The following SH3GLB2 variants were observed in gnomAD, a reference collection of about 807,000 sequenced individuals.
SH3GLB2 encodes the protein SH3 domain containing GRB2 like, endophilin B2.
A neutral mutation model predicts 48.0 loss-of-function variants in SH3GLB2; 24 were observed. The observed-to-expected ratio is 0.50, with a 90% CI of 0.36 to 0.70. The LOEUF (loss-of-function observed/expected upper bound fraction) is 0.70, where lower values mean the gene tolerates loss of function less well. SH3GLB2 is among the 30% of genes least tolerant of loss of function. The pLI is 0.00. For missense variants in SH3GLB2, 425 were observed against 516.0 expected (o/e 0.82, Z 1.71); for synonymous variants, 227 against 207.6 (o/e 1.09, Z -0.80).
chr9:129,017,518 C>A (rs1328920665), intron 3 of SH3GLB2, among the ~76,000 whole-genome samples: 1 of 151,944 alleles, frequency 6.6e-6, no homozygotes, highest in African/African-American at 2.4e-5. Flanking sequence ...AATCCCAGCA[C>A]TTTGGGAGGC....
rs771795910 is a variant in SH3GLB2 at position 129,014,733 on chromosome 9, A to G, written c.468+38T>C. 1 of 1,599,328 alleles carries G rather than the reference A, an allele frequency of 6.3e-7. No homozygotes were observed. The highest frequency in any genetic ancestry group is 1.7e-5 in the Admixed American group (1 of 57,552). ...CAAAGGCTCTGAGGAGGGAACTGCC[A>G]TGGTTACCAGGAAGCGGAATAGTCC... is the stretch of plus-strand genomic sequence containing the variant. On this transcript the variant is annotated intron_variant, in intron 4 of 10. Transcript: ENST00000372564. This position sits in a 1 kb window ranked among gnomAD's most constrained non-coding sequence, Gnocchi z 4.1.
At chr9:129,023,989 G>C (rs954181343) in intron 1 of SH3GLB2, among the ~76,000 whole-genome samples, 20 of 152,312 alleles carry the variant, frequency 1.3e-4, no homozygotes, top group African/African-American at 4.8e-4. Context: ...ACCAAGGCTC[G>C]AAGAGGCAAA....
chr9:129,028,180 C>G lies in SH3GLB2; in HGVS notation c.-26G>C. ...GGCGTGCCCGCACGGCCGCCGCGCA[C>G]GGCCCGAGCGCAGCCGGCAGCCCCC... On this transcript the variant is annotated 5_prime_UTR_variant, in exon 1 of 11. Transcript: ENST00000372564. 1 of 1,387,740 alleles carries G rather than the reference C, an allele frequency of 7.2e-7. No individual in the cohort carries two copies. The highest frequency in any genetic ancestry group is 9.4e-7 in the Non-Finnish European group (1 of 1,065,206). 86.0% of individuals were successfully genotyped at this position (1,387,740 alleles called of 1,614,324 possible).
At chr9:129,021,303 G>A in intron 2 of SH3GLB2, 84 bp from the exon 3 acceptor site, 1 of 1,450,356 alleles carries the variant, frequency 6.9e-7, no homozygotes, top group Non-Finnish European at 9.1e-7. Context: ...ACCCGGCCCT[G>A]CCCACAGGTG....
rs1842841323 is a variant in SH3GLB2 at position 129,007,583 on chromosome 9, G to A, written c.*1101C>T. ...CTGCCTGGGCTTCAGTCCCTGCTTG[G>A]CCACTTGCCAACTGTGGTCCCTTGA... On this transcript the variant is annotated 3_prime_UTR_variant, in exon 11 of 11. Transcript: ENST00000372564. 1 of 152,184 alleles carries A rather than the reference G, an allele frequency of 6.6e-6. No individual in the cohort carries two copies. The highest frequency in any genetic ancestry group is 1.5e-5 in the Non-Finnish European group (1 of 68,062). The allele number at this position is 152,184 out of a possible 1,614,324, so 9.4% of individuals were successfully genotyped here. A position where few individuals can be genotyped will look rare whatever the true frequency, so the allele number is the denominator to read the frequency against.
chr9:129,028,059 G>T (rs200615100), intron 1 of SH3GLB2, 33 bp downstream of exon 1: 32 of 1,493,688 alleles, frequency 2.1e-5, no homozygotes, highest in Non-Finnish European at 2.7e-5. Flanking sequence ...GCACATCCGG[G>T]CCCCCGGCGC....
intron 3 of SH3GLB2, among the ~76,000 whole-genome samples, chr9:129,017,311 T>C (rs1421856530): frequency 1.3e-5 from 2 of 152,106 alleles, no homozygotes; most frequent in African/African-American, 4.8e-5. Flanking sequence ...ATACAAGCCT[T>C]GAACACTATT....
At chr9:129,013,126 C>G in intron 5 of SH3GLB2, 1 of 1,348,014 alleles carries the variant, frequency 7.4e-7, no homozygotes, top group Non-Finnish European at 1.0e-6. Flanking sequence ...GGAGGGGACA[C>G]CAGGCGGTCG....
chr9:129,010,815 C>T (rs575061325), intron 6 of SH3GLB2, 122 bp from the exon 7 acceptor site: 35 of 1,247,308 alleles, frequency 2.8e-5, no homozygotes, highest in Admixed American at 2.0e-4. Context: ...CTCTGCCCCC[C>T]CTCCCAAACA....
chr9:129,009,133 G>C lies in SH3GLB2; in HGVS notation c.1053C>G (p.Ser351Arg). 1 of 1,610,398 alleles carries C rather than the reference G, an allele frequency of 6.2e-7. No homozygotes were observed. Among genetic ancestry groups the C allele is most frequent in the Non-Finnish European group, 8.5e-7 (1 of 1,179,770 alleles). ...RVLYDYEAAD[S>R]SELALLADEL... is the part of the protein sequence containing the mutation. Reference sequence around the variant, plus strand: ...CATCAGCCAGCAGGGCCAGCTCACTGCTGTCGGCTGCCTCGTAGTCATAGA... The same window carrying C: ...CATCAGCCAGCAGGGCCAGCTCACTCCTGTCGGCTGCCTCGTAGTCATAGA... Residue 351 changes from serine to arginine, a missense_variant, in exon 10 of 11, where the codon AGC becomes AGG. Transcript: ENST00000372564.
intron 2 of SH3GLB2, among the ~76,000 whole-genome samples, chr9:129,021,964 A>G (rs1273456099): frequency 2.0e-5 from 3 of 151,774 alleles, no homozygotes; most frequent in Non-Finnish European, 2.9e-5. Flanking sequence ...ACCTCAAAAA[A>G]AAAAAAAAAA....
chr9:129,022,742 G>C (rs545747200), intron 1 of SH3GLB2, among the ~76,000 whole-genome samples: 1 of 152,316 alleles, frequency 6.6e-6, no homozygotes, highest in South Asian at 2.1e-4. Flanking sequence ...AGGAACCCTG[G>C]GGAGGCCAGC....
At chr9:129,018,629 T>TC (rs1284561307) in intron 3 of SH3GLB2, among the ~76,000 whole-genome samples, 2 of 127,742 alleles carry the variant, frequency 1.6e-5, no homozygotes, top group African/African-American at 6.1e-5. Flanking sequence ...GCACAGTGGC[T>TC]ATGCCTGTAA....
chr9:129,014,661 A>C lies in SH3GLB2; in HGVS notation c.468+110T>G. 1 of 1,517,774 alleles carries C rather than the reference A, an allele frequency of 6.6e-7. No individual in the cohort carries two copies. The highest frequency in any genetic ancestry group is 1.4e-5 in the African/African-American group (1 of 71,954). 94.0% of individuals were successfully genotyped at this position (1,517,774 alleles called of 1,614,324 possible). On this transcript the variant is annotated intron_variant, in intron 4 of 10. Transcript: ENST00000372564. This position sits in a 1 kb window ranked among gnomAD's most constrained non-coding sequence, Gnocchi z 4.1. ...CAGTCCAAAGGAGCCCTCTCTGGGG[A>C]GGCCTCAGGAGTTTTGTAGCCCCAG...
rs1158798740 is a variant in SH3GLB2, at chr9:129,009,600, C to T, written c.839+171G>A. The T allele has an allele frequency of 2.0e-6, 3 of 1,467,400 alleles. No individual in the cohort carries two copies. In the African/African-American group the frequency reaches 4.2e-5, roughly 21 times the overall value. 90.9% of individuals were successfully genotyped at this position (1,467,400 alleles called of 1,614,324 possible). On this transcript the variant is annotated intron_variant, in intron 9 of 10. Coordinates refer to ENST00000372564, the MANE Select transcript of SH3GLB2 (RefSeq NM_020145.4). ...CCAGGGGACTTGGCCGTCAGTAAGG[C>T]CAGCCACTCCACCCTCATACACATG... is the stretch of plus-strand genomic sequence containing the variant.
intron 1 of SH3GLB2, among the ~76,000 whole-genome samples, chr9:129,023,004 G>C (rs1414560596): frequency 6.6e-6 from 1 of 152,160 alleles, no homozygotes; most frequent in Non-Finnish European, 1.5e-5. Flanking sequence ...CTGAGCATTG[G>C]TTTCCTGAGC....
chr9:129,018,900 A>G (rs945825661), intron 3 of SH3GLB2, among the ~76,000 whole-genome samples: 4 of 151,786 alleles, frequency 2.6e-5, no homozygotes, highest in Non-Finnish European at 5.9e-5. Context: ...TCAAAAAAAA[A>G]AAAAAAATTA....
At position 129,008,627 on chromosome 9, in the gene SH3GLB2, G is replaced by C; in HGVS notation, c.*57C>G. 1 of 1,332,334 alleles carries C rather than the reference G, an allele frequency of 7.5e-7. No homozygotes were observed. Among genetic ancestry groups the C allele is most frequent in the South Asian group, 1.2e-5 (1 of 83,818 alleles). The allele number at this position is 1,332,334 out of a possible 1,614,324, so 82.5% of individuals were successfully genotyped here. A position where few individuals can be genotyped will look rare whatever the true frequency, so the allele number is the denominator to read the frequency against. ...CACCAACAAACAAGTTAAGTGGCAG[G>C]GCTGCGCCCATCCTCTCCTGCCTAG... On this transcript the variant is annotated 3_prime_UTR_variant, in exon 11 of 11. Coordinates refer to ENST00000372564, the MANE Select transcript of SH3GLB2 (RefSeq NM_020145.4).
rs28463723 is a variant in SH3GLB2 at position 129,013,084 on chromosome 9, G to A, written c.562-786C>T. ...AACAAAGAGTTAGTGAGTCCACAGC[G>A]CAGGCAGGAGCAGGCCCCCCAGGCC... On this transcript the variant is annotated intron_variant, in intron 5 of 10. Transcript: ENST00000372564. 855 of 1,534,044 alleles carry A rather than the reference G, an allele frequency of 5.6e-4. 3 individuals are homozygous for A. In the African/African-American group the frequency reaches 9.7e-3, roughly 17 times the overall value.
Sources: allele counts gnomAD v4.1 joint callset (sites outside exome capture counted in the v4.1 genomes callset), GRCh38; gene constraint gnomAD v4.1.1; non-coding constraint Gnocchi (gnomAD v3.1); transcripts MANE v1.5; gene names NCBI Gene and HGNC (gene_info 2026-07-23, HGNC 2026-07-21).